The following ADGRG6 variants were observed in gnomAD, a reference collection of about 807,000 sequenced individuals.
ADGRG6 encodes adhesion G protein-coupled receptor G6.
In ADGRG6, 84 loss-of-function variants were observed where a neutral mutation model predicts 142.4. That is an observed-to-expected ratio of 0.59 (90% CI 0.49 to 0.71). The LOEUF is 0.71. ADGRG6 is among the 30% of genes least tolerant of loss of function. The pLI, the probability that ADGRG6 is intolerant of heterozygous loss-of-function variation, is 0.00. For missense variants in ADGRG6, 1,367 were observed against 1,466.6 expected, an observed-to-expected ratio of 0.93 and a Z score of 1.11; for synonymous variants, 521 against 520.5, an observed-to-expected ratio of 1.00 and a Z score of -0.01.
chr6:142,360,093 T>C (rs1780643483), intron 2 of ADGRG6, among the ~76,000 whole-genome samples: 1 of 152,182 alleles, frequency 6.6e-6, no homozygotes, highest in South Asian at 2.1e-4. Context: ...ACAAATGTCA[T>C]AGCCCTTGGC....
At chr6:142,367,421 G>T in intron 2 of ADGRG6, 148 bp from the exon 3 acceptor site, 1 of 606,528 alleles carries the variant, frequency 1.6e-6, no homozygotes, top group Non-Finnish European at 2.9e-6. Context: ...TCCTCAAGAG[G>T]GTTTCATTTT....
chr6:142,402,499 G>A (rs908319769), intron 12 of ADGRG6, 121 bp from the exon 13 acceptor site: 174 of 619,026 alleles, frequency 2.8e-4, no homozygotes, highest in Non-Finnish European at 3.6e-4. Flanking sequence ...GGTATACACA[G>A]GAAAATCTCA....
rs1554234630 is a variant in ADGRG6 at position 142,338,027 on chromosome 6, T to TTGTTTTTTTTTTTG, written c.103+28384_103+28385insGTTTTTTTTTTTGT. Among the ~76,000 whole-genome samples, 20 of 58,018 alleles carry TTGTTTTTTTTTTTG rather than the reference T, an allele frequency of 3.4e-4. 1 individual carries two copies. The highest frequency in any genetic ancestry group is 2.3e-3 in the Admixed American group (9 of 3,912). 38.1% of individuals were successfully genotyped at this position (58,018 alleles called of 152,430 possible). A position where few individuals can be genotyped will look rare whatever the true frequency, so the allele number is the denominator to read the frequency against. On this transcript the variant is annotated intron_variant, in intron 2 of 24. Coordinates refer to ENST00000367609, the MANE Select transcript of ADGRG6 (RefSeq NM_198569.3). ...ATGCCTTGTATCTTTGTTTTTTTTT[T>TTGTTTTTTTTTTTG]TTTTTTTTTTTGAGACGGAGTCTCG...
intron 2 of ADGRG6, among the ~76,000 whole-genome samples, chr6:142,337,853 A>G (rs146223795): frequency 6.6e-6 from 1 of 151,878 alleles, no homozygotes; most frequent in East Asian, 1.9e-4. Flanking sequence ...TTGATAGGGA[A>G]GAGTGGGCTA....
At chr6:142,366,970 A>G (rs763667925) in intron 2 of ADGRG6, among the ~76,000 whole-genome samples, 17 of 152,338 alleles carry the variant, frequency 1.1e-4, no homozygotes, top group Admixed American at 3.9e-4. Flanking sequence ...TAAATAATCC[A>G]TGTTTGCAAG....
At position 142,400,897 on chromosome 6, in the gene ADGRG6, C is replaced by T. The variant is rs566637928; in HGVS notation, c.1679+301C>T. 22 of 220,266 alleles carry T rather than the reference C, an allele frequency of 1.0e-4. No homozygotes were observed. The Middle Eastern group carries it at 5.9e-3, about 59-fold the overall frequency. 13.6% of individuals were successfully genotyped at this position (220,266 alleles called of 1,614,324 possible). On this transcript the variant is annotated intron_variant, in intron 11 of 24. Transcript: ENST00000367609. Reference sequence around the variant, plus strand: ...TTGTATGTGGATGAACCTAGCCTACCCTTGGAACATGCGTCTGGAATTCCG... The same window carrying T: ...TTGTATGTGGATGAACCTAGCCTACTCTTGGAACATGCGTCTGGAATTCCG...
intron 1 of ADGRG6, 42 bp from the exon 2 acceptor site, chr6:142,309,502 C>T: frequency 7.4e-7 from 1 of 1,359,452 alleles, no homozygotes; most frequent in Middle Eastern, 1.8e-4. Context: ...TAATGCTTTA[C>T]TGAATGTTGA....
rs186581090 is a variant in ADGRG6 at position 142,383,915 on chromosome 6, G to A, written c.1222+72G>A. 6 of 776,118 alleles carry A rather than the reference G, an allele frequency of 7.7e-6. No individual in the cohort carries two copies. In the East Asian group the frequency reaches 1.5e-4, roughly 19 times the overall value. 48.1% of individuals were successfully genotyped at this position (776,118 alleles called of 1,614,324 possible). A position where few individuals can be genotyped will look rare whatever the true frequency, so the allele number is the denominator to read the frequency against. The stretch of plus-strand genomic sequence containing the variant: ...AATTGTATTCTAAGGATGGAAATAT[G>A]TATTATTCCAACAAAGTGTCTGTTA... On this transcript the variant is annotated intron_variant, in intron 6 of 24. Coordinates refer to ENST00000367609, the MANE Select transcript of ADGRG6 (RefSeq NM_198569.3).
chr6:142,385,108 T>C (rs992206774), intron 6 of ADGRG6, among the ~76,000 whole-genome samples: 4 of 152,176 alleles, frequency 2.6e-5, no homozygotes, highest in East Asian at 1.9e-4. Flanking sequence ...CCCTCCAGGA[T>C]TGACACATCC....
chr6:142,408,229 A>T lies in ADGRG6; in HGVS notation c.2348A>T (p.Lys783Met). 1 of 1,578,574 alleles carries T rather than the reference A, an allele frequency of 6.3e-7. No homozygotes were observed. Among genetic ancestry groups the T allele is most frequent in the East Asian group, 2.3e-5 (1 of 43,850 alleles). ...SIGNITIQNLKDPVQIKIKHT... is the reference protein window; with the variant it reads ...SIGNITIQNLMDPVQIKIKHT... ...GGAAACATTACTATCCAGAATCTGA[A>T]GGATCCTGTTCAAATAAAAATCAAA... Residue 783 changes from lysine to methionine, a missense_variant, in exon 16 of 25, where the codon AAG becomes ATG. Lys to Met is a moderately conservative substitution (Grantham distance 95). Transcript: ENST00000367609.
rs760416910 is a variant in ADGRG6 at position 142,370,803 on chromosome 6, T to C, written c.1069+10T>C. 6 of 1,610,606 alleles carry C rather than the reference T, an allele frequency of 3.7e-6. No homozygotes were observed. In the South Asian group the frequency reaches 4.4e-5, roughly 12 times the overall value. Reference sequence around the variant, plus strand: ...AGCAACCTAAGCTGTGGTGAGTTTGTAGCGTATTCCTTTTTTTTTTTTTTT... The same window carrying C: ...AGCAACCTAAGCTGTGGTGAGTTTGCAGCGTATTCCTTTTTTTTTTTTTTT... On this transcript the variant is annotated intron_variant, in intron 4 of 24. Coordinates refer to ENST00000367609, the MANE Select transcript of ADGRG6 (RefSeq NM_198569.3).
At chr6:142,417,627 C>T (rs1054541256) in intron 21 of ADGRG6, among the ~76,000 whole-genome samples, 1 of 152,108 alleles carries the variant, frequency 6.6e-6, no homozygotes, top group Admixed American at 6.6e-5. Flanking sequence ...CCTCAGAAGA[C>T]CCATTCTATT....
chr6:142,392,896 A>G lies in ADGRG6; in HGVS notation c.1309-52A>G. 3 of 1,185,464 alleles carry G rather than the reference A, an allele frequency of 2.5e-6. 1 individual carries two copies. The South Asian group carries it at 3.8e-5, about 15-fold the overall frequency. The allele number at this position is 1,185,464 out of a possible 1,614,324, so 73.4% of individuals were successfully genotyped here. ...TGTTTTAGGTAGAAACTTGAATTAG[A>G]TATTTTTTAAAGGTATTAGCAAAAC... is the stretch of plus-strand genomic sequence containing the variant. On this transcript the variant is annotated intron_variant, in intron 7 of 24. Coordinates refer to ENST00000367609, the MANE Select transcript of ADGRG6 (RefSeq NM_198569.3).
chr6:142,443,230 T>C (rs1037624281), intron 24 of ADGRG6, 107 bp from the exon 25 acceptor site: 2 of 638,300 alleles, frequency 3.1e-6, no homozygotes, highest in African/African-American at 3.7e-5. Context: ...CGGAGCTTTA[T>C]TTTCTTTTGT....
rs368825599 is a variant in ADGRG6, at chr6:142,414,952, C to T, written c.2542-17C>T. 1.5e-4 allele frequency: 232 copies of T among 1,597,710 alleles called. No individual in the cohort carries two copies. Among genetic ancestry groups the T allele is most frequent in the African/African-American group, 2.4e-4 (18 of 74,042 alleles). Reference sequence around the variant, plus strand: ...GAGAAGAGAGTTTCTTACAGCTGCTCGCCATGTTTTATGTAGGACCTTCCA... The same window carrying T: ...GAGAAGAGAGTTTCTTACAGCTGCTTGCCATGTTTTATGTAGGACCTTCCA... On this transcript the variant is annotated splice_polypyrimidine_tract_variant and intron_variant, in intron 18 of 24. Transcript: ENST00000367609.
At chr6:142,372,365 T>C (rs1781299785) in intron 4 of ADGRG6, among the ~76,000 whole-genome samples, 3 of 152,140 alleles carry the variant, frequency 2.0e-5, no homozygotes, top group Non-Finnish European at 2.9e-5. Flanking sequence ...GTATATGATA[T>C]TGGAGGGAAG....
chr6:142,429,901 A>G (rs1303541189), intron 22 of ADGRG6, among the ~76,000 whole-genome samples: 1 of 152,112 alleles, frequency 6.6e-6, no homozygotes, highest in Non-Finnish European at 1.5e-5. Context: ...AAATAAAAAT[A>G]GAAAAATTAG....
At chr6:142,402,562 G>A in intron 12 of ADGRG6, 58 bp from the exon 13 acceptor site, 1 of 893,726 alleles carries the variant, frequency 1.1e-6, no homozygotes, top group Middle Eastern at 2.8e-4. Flanking sequence ...TGGATTCCTG[G>A]AAATGCTCTA....
chr6:142,356,958 G>A (rs1490090612), intron 2 of ADGRG6, among the ~76,000 whole-genome samples: 2 of 152,140 alleles, frequency 1.3e-5, no homozygotes, highest in East Asian at 3.9e-4. Flanking sequence ...AGATGTTATT[G>A]TGTTTCACAA....
Sources: gnomAD v4.1 joint callset for allele counts (sites outside exome capture counted in the v4.1 genomes callset) on GRCh38, gnomAD v4.1.1 for gene constraint, MANE v1.5 for transcripts, NCBI Gene and HGNC (gene_info 2026-07-23, HGNC 2026-07-21) for gene names.